The following NLGN4X variants were observed in gnomAD, a reference collection of about 807,000 sequenced individuals.
NLGN4X encodes the protein neuroligin-4, X-linked.
Under a neutral mutation model 40.3 loss-of-function variants are expected in NLGN4X, and 3 were observed. The ratio of observed to expected loss-of-function variants is 0.07; its 90% CI spans 0.03 to 0.19. The LOEUF (loss-of-function observed/expected upper bound fraction) is 0.19, where lower values mean the gene tolerates loss of function less well. Ranked by LOEUF, NLGN4X falls within the 10% of genes least tolerant of loss-of-function variation. The pLI is 1.00. For missense variants in NLGN4X, 382 were observed against 708.3 expected, an observed-to-expected ratio of 0.54 and a Z score of 5.23; for synonymous variants, 270 against 306.8, an observed-to-expected ratio of 0.88 and a Z score of 1.25.
intron 2 of NLGN4X, among the ~76,000 whole-genome samples, chrX:6,124,744 G>A (rs1458181717): frequency 1.8e-5 from 2 of 111,806 alleles, no homozygotes; most frequent in Admixed American, 1.9e-4. Context: ...ATGTGATCTG[G>A]TGGGTATCTA....
At chrX:5,947,539 G>A (rs930277435) in intron 3 of NLGN4X, among the ~76,000 whole-genome samples, 2 of 111,729 alleles carry the variant, frequency 1.8e-5, no homozygotes, top group Non-Finnish European at 3.8e-5. Flanking sequence ...AAAGTCTGAG[G>A]CACAAAATGC....
At position 5,946,491 on chromosome X, in the gene NLGN4X, A is replaced by C. The variant is rs895291116; in HGVS notation, c.626-37252T>G. 1.3e-4 allele frequency among the ~76,000 whole-genome samples: 15 copies of C among 111,241 alleles called. 1 individual carries two copies. The highest frequency in any genetic ancestry group is 4.9e-4 in the African/African-American group (15 of 30,568). On this transcript the variant is annotated intron_variant, in intron 3 of 5. Coordinates refer to ENST00000381095, the MANE Select transcript of NLGN4X (RefSeq NM_181332.3). The stretch of plus-strand genomic sequence containing the variant: ...ACCATTTTATGTAGAGAATCAAATT[A>C]GTATGTGGAGCTCCTATAGTTTATT...
At chrX:6,178,391 T>C (rs1311290575) in intron 1 of NLGN4X, among the ~76,000 whole-genome samples, 1 of 111,846 alleles carries the variant, frequency 8.9e-6, no homozygotes, top group Non-Finnish European at 1.9e-5. Context: ...CATTAATACA[T>C]TGACTTTTCA....
chrX:5,960,854 C>T (rs1240463232), intron 3 of NLGN4X, among the ~76,000 whole-genome samples: 1 of 111,315 alleles, frequency 9.0e-6, no homozygotes, highest in African/African-American at 3.3e-5. Flanking sequence ...AAGGTTCTAG[C>T]AAGTTCGTGA....
At chrX:5,997,113 A>T (rs1032116744) in intron 3 of NLGN4X, among the ~76,000 whole-genome samples, 3 of 109,983 alleles carry the variant, frequency 2.7e-5, no homozygotes, top group African/African-American at 3.3e-5. Context: ...CTCTATTTTT[A>T]GTTTCTGCTT....
rs182751510 is a variant in NLGN4X, at chrX:6,026,162, A to T, written c.625+3118T>A. ...GATCTACATTCTTTCCAATGCCAGC[A>T]TTCCGCTTCCATTATGGGCATGTTT... On this transcript the variant is annotated intron_variant, in intron 3 of 5. Transcript: ENST00000381095. Among the ~76,000 whole-genome samples the T allele has an allele frequency of 3.9e-3, 425 of 110,174 alleles. 4 individuals carry two copies. The highest frequency in any genetic ancestry group is 0.013 in the African/African-American group (406 of 30,303).
At chrX:6,072,272 A>C (rs1194943197) in intron 2 of NLGN4X, among the ~76,000 whole-genome samples, 1 of 111,035 alleles carries the variant, frequency 9.0e-6, no homozygotes, top group Non-Finnish European at 1.9e-5. Context: ...TGAGATTTGG[A>C]ATTTTGACTA....
chrX:5,983,764 C>T (rs959206418), intron 3 of NLGN4X, among the ~76,000 whole-genome samples: 4 of 111,352 alleles, frequency 3.6e-5, no homozygotes, highest in Non-Finnish European at 7.5e-5. Context: ...AAAGCAAGAC[C>T]TAGTCTCTAA....
At chrX:6,144,190 A>C (rs777481939) in intron 2 of NLGN4X, among the ~76,000 whole-genome samples, 3 of 111,392 alleles carry the variant, frequency 2.7e-5, no homozygotes, top group African/African-American at 9.8e-5. Flanking sequence ...ATAAGAATTG[A>C]TATGATCTCC....
chrX:5,982,494 A>G (rs2035416212), intron 3 of NLGN4X, among the ~76,000 whole-genome samples: 1 of 112,435 alleles, frequency 8.9e-6, no homozygotes, highest in African/African-American at 3.2e-5. Flanking sequence ...TCTGTAATAT[A>G]TTAGAATAAA....
intron 3 of NLGN4X, among the ~76,000 whole-genome samples, chrX:5,998,650 T>C (rs1334308137): frequency 1.8e-5 from 2 of 111,584 alleles, no homozygotes; most frequent in Non-Finnish European, 1.9e-5. Flanking sequence ...AACCAAGGCA[T>C]AGTAGATTAT....
At chrX:6,115,236 T>G (rs930595531) in intron 2 of NLGN4X, among the ~76,000 whole-genome samples, 2 of 111,529 alleles carry the variant, frequency 1.8e-5, no homozygotes, top group Non-Finnish European at 3.8e-5. Context: ...TACAATACTT[T>G]AAGAGACATT....
At chrX:6,198,601 T>A (rs1923337100) in intron 1 of NLGN4X, among the ~76,000 whole-genome samples, 1 of 111,761 alleles carries the variant, frequency 8.9e-6, no homozygotes, top group Non-Finnish European at 1.9e-5. Flanking sequence ...TGCTTACAAA[T>A]TGCATGAGCT....
At chrX:6,072,010 C>T (rs141756394) in intron 2 of NLGN4X, among the ~76,000 whole-genome samples, 215 of 110,759 alleles carry the variant, frequency 1.9e-3, no homozygotes, top group African/African-American at 6.5e-3. Flanking sequence ...CCACAGCAAG[C>T]TCGGGTTCTT....
intron 2 of NLGN4X, among the ~76,000 whole-genome samples, chrX:6,056,873 A>T (rs1431313882): frequency 8.9e-6 from 1 of 112,272 alleles, no homozygotes; most frequent in Non-Finnish European, 1.9e-5. Context: ...AATTGACAAA[A>T]ATCAATGGAA....
intron 2 of NLGN4X, among the ~76,000 whole-genome samples, chrX:6,119,118 A>G (rs1487507104): frequency 2.7e-5 from 3 of 112,118 alleles, no homozygotes; most frequent in Non-Finnish European, 5.6e-5. Flanking sequence ...CTTAAATTCC[A>G]TAAAGAAACA....
chrX:6,200,502 G>A (rs915776297), intron 1 of NLGN4X, among the ~76,000 whole-genome samples: 3 of 110,697 alleles, frequency 2.7e-5, no homozygotes, highest in Admixed American at 1.9e-4. Context: ...AAGTGGAATA[G>A]GTCAGTGAAA....
intron 1 of NLGN4X, among the ~76,000 whole-genome samples, chrX:6,208,034 A>T (rs909734068): frequency 4.5e-5 from 5 of 111,995 alleles, no homozygotes; most frequent in African/African-American, 1.6e-4. Context: ...TTAATCAATC[A>T]ATGTAACAGT....
intron 3 of NLGN4X, among the ~76,000 whole-genome samples, chrX:5,969,861 G>A (rs1315738568): frequency 7.3e-5 from 8 of 110,008 alleles, no homozygotes; most frequent in East Asian, 2.9e-4. Context: ...TGATGAGTTC[G>A]TGTCCTTTGT....
Sources: gnomAD v4.1 joint callset for allele counts (sites outside exome capture counted in the v4.1 genomes callset) on GRCh38, gnomAD v4.1.1 for gene constraint, MANE v1.5 for transcripts, NCBI Gene and HGNC (gene_info 2026-07-23, HGNC 2026-07-21) for gene names.